The following GMDS variants were observed in gnomAD, a reference collection of about 807,000 sequenced individuals.
GMDS encodes GDP-mannose 4,6 dehydratase.
In GMDS, 20 loss-of-function variants were observed where a neutral mutation model predicts 49.9. The observed-to-expected ratio is 0.40, with a 90% CI of 0.28 to 0.58. The LOEUF (loss-of-function observed/expected upper bound fraction) is 0.58. Among genes scored for constraint, GMDS ranks in the 20% least tolerant of loss-of-function variants. The pLI, the probability that GMDS is intolerant of heterozygous loss-of-function variation, is 0.42. For missense variants in GMDS, 362 were observed against 481.4 expected, an observed-to-expected ratio of 0.75 and a Z score of 2.32; for synonymous variants, 177 against 178.6, an observed-to-expected ratio of 0.99 and a Z score of 0.07.
At chr6:2,033,172 A>G (rs1259338461) in intron 4 of GMDS, among the ~76,000 whole-genome samples, 1 of 152,206 alleles carries the variant, frequency 6.6e-6, no homozygotes, top group Non-Finnish European at 1.5e-5. Context: ...CCATATGACC[A>G]ATGAAATAAT....
Position 1,841,176 on chromosome 6 carries a change from A to T in GMDS, c.771+88927T>A, listed in dbSNP as rs1197636859. On this transcript the variant is annotated intron_variant, in intron 7 of 10. Coordinates refer to ENST00000380815, the MANE Select transcript of GMDS (RefSeq NM_001500.4). ...AGAATAAGGGTGGTAAGTCATGGGC[A>T]TTTACCTTTAAGGAGTGCTAAAGTG... Among the ~76,000 whole-genome samples, 3 of 152,328 alleles carry T rather than the reference A, an allele frequency of 2.0e-5. No homozygotes were observed. In the East Asian group the frequency reaches 5.8e-4, roughly 29 times the overall value.
intron 6 of GMDS, among the ~76,000 whole-genome samples, chr6:1,942,916 TTTC>T (rs1361933352): frequency 1.3e-5 from 2 of 152,236 alleles, no homozygotes; most frequent in African/African-American, 4.8e-5. Flanking sequence ...CCCTTATCAT[TTTC>T]TTTACTGGAT....
intron 7 of GMDS, among the ~76,000 whole-genome samples, chr6:1,787,560 G>C (rs1337160361): frequency 3.9e-5 from 6 of 152,142 alleles, no homozygotes. Flanking sequence ...GTATCAATTG[G>C]TTTGACTCTT....
intron 7 of GMDS, among the ~76,000 whole-genome samples, chr6:1,788,620 C>G (rs1157417064): frequency 1.3e-5 from 2 of 152,158 alleles, no homozygotes; most frequent in East Asian, 3.9e-4. Flanking sequence ...CAGAATTCTC[C>G]TTTTTCACAA....
chr6:2,162,659 AACACACACAC>A (rs67198377), intron 1 of GMDS, among the ~76,000 whole-genome samples: 2,362 of 135,824 alleles, frequency 0.017, 70 homozygotes, highest in African/African-American at 0.056. Context: ...ATAACATTCC[AACACACACAC>A]ACACACACAC....
chr6:1,774,210 T>C (rs1768701620), intron 7 of GMDS, among the ~76,000 whole-genome samples: 1 of 152,242 alleles, frequency 6.6e-6, no homozygotes. Context: ...TAAACATAGC[T>C]GCAGAATAAA....
At chr6:1,845,259 A>C (rs62388420) in intron 7 of GMDS, among the ~76,000 whole-genome samples, 3,115 of 152,334 alleles carry the variant, frequency 0.02, 55 homozygotes, top group Non-Finnish European at 0.036. Context: ...TCACAGACTG[A>C]GTTAATGGCA....
chr6:1,815,784 A>G (rs1770638062), intron 7 of GMDS, among the ~76,000 whole-genome samples: 1 of 152,228 alleles, frequency 6.6e-6, no homozygotes, highest in Non-Finnish European at 1.5e-5. Flanking sequence ...CACATTCTAC[A>G]GAGAGCGTGC....
chr6:2,013,288 G>A (rs933745534), intron 4 of GMDS, among the ~76,000 whole-genome samples: 1 of 152,114 alleles, frequency 6.6e-6, no homozygotes, highest in Non-Finnish European at 1.5e-5. Flanking sequence ...TACAGCTATA[G>A]CAAATACTAA....
At chr6:2,087,863 T>C (rs1773101517) in intron 4 of GMDS, among the ~76,000 whole-genome samples, 1 of 152,210 alleles carries the variant, frequency 6.6e-6, no homozygotes, top group African/African-American at 2.4e-5. Context: ...AGGTAGATTA[T>C]CTGCATTGCC....
At chr6:1,719,625 A>AAG (rs1766298780) in intron 9 of GMDS, among the ~76,000 whole-genome samples, 1 of 151,764 alleles carries the variant, frequency 6.6e-6, no homozygotes, top group African/African-American at 2.4e-5. Context: ...ATTTGTTTAA[A>AAG]AAAAAAAAAG....
chr6:2,077,240 G>C (rs990173757), intron 4 of GMDS, among the ~76,000 whole-genome samples: 1 of 152,030 alleles, frequency 6.6e-6, no homozygotes, highest in African/African-American at 2.4e-5. Context: ...AAGGTAAACA[G>C]TCTGACTTCC....
At chr6:1,928,831 T>C (rs1762149522) in intron 7 of GMDS, among the ~76,000 whole-genome samples, 1 of 152,082 alleles carries the variant, frequency 6.6e-6, no homozygotes, top group East Asian at 1.9e-4. Context: ...TAGTCGGGTG[T>C]GGTGGCGCAT....
chr6:2,050,933 G>A (rs1364071221), intron 4 of GMDS, among the ~76,000 whole-genome samples: 3 of 152,046 alleles, frequency 2.0e-5, no homozygotes, highest in African/African-American at 7.2e-5. Context: ...ACAGGGCGGG[G>A]AACATCACAC....
At chr6:1,943,823 C>A (rs1762930256) in intron 6 of GMDS, among the ~76,000 whole-genome samples, 1 of 152,122 alleles carries the variant, frequency 6.6e-6, no homozygotes, top group African/African-American at 2.4e-5. Context: ...ACTTTTACCT[C>A]TATAATCAGA....
chr6:1,832,687 C>G (rs895262005), intron 7 of GMDS, among the ~76,000 whole-genome samples: 1 of 152,174 alleles, frequency 6.6e-6, no homozygotes, highest in African/African-American at 2.4e-5. Context: ...CCACCACATG[C>G]ATTGTTAGCT....
At chr6:1,636,918 C>T (rs537644080) in intron 9 of GMDS, among the ~76,000 whole-genome samples, 14 of 152,322 alleles carry the variant, frequency 9.2e-5, no homozygotes, top group East Asian at 5.8e-4. Flanking sequence ...CACCTGCACA[C>T]GGGGGATCGC....
intron 7 of GMDS, among the ~76,000 whole-genome samples, chr6:1,848,071 G>A (rs1757493810): frequency 6.6e-6 from 1 of 152,182 alleles, no homozygotes; most frequent in Non-Finnish European, 1.5e-5. Context: ...GGCAGGCACT[G>A]CTGTTAGTTT....
intron 1 of GMDS, among the ~76,000 whole-genome samples, chr6:2,130,962 A>C (rs1160338593): frequency 6.6e-6 from 1 of 151,852 alleles, no homozygotes; most frequent in Non-Finnish European, 1.5e-5. Context: ...TATACACTTT[A>C]CCTATTTTTC....
Sources: allele counts gnomAD v4.1 joint callset (sites outside exome capture counted in the v4.1 genomes callset), GRCh38; gene constraint gnomAD v4.1.1; transcripts MANE v1.5; gene names NCBI Gene and HGNC (gene_info 2026-07-23, HGNC 2026-07-21).